The following EPB41L3 variants were observed in gnomAD, a reference collection of about 807,000 sequenced individuals.
EPB41L3 encodes the protein erythrocyte membrane protein band 4.1 like 3.
EPB41L3 carries 57 observed loss-of-function variants against 127.1 expected under a neutral mutation model. The observed-to-expected ratio is 0.45, with a 90% CI of 0.36 to 0.56. EPB41L3 has a LOEUF of 0.56. Among genes scored for constraint, EPB41L3 ranks in the 20% least tolerant of loss-of-function variants. The pLI is 0.00. For missense variants in EPB41L3, 1,273 were observed against 1,372.2 expected, an observed-to-expected ratio of 0.93 and a Z score of 1.14; for synonymous variants, 572 against 549.5, an observed-to-expected ratio of 1.04 and a Z score of -0.57.
chr18:5,488,871 T>C, intron 2 of EPB41L3, 130 bp downstream of exon 2: 1 of 1,006,400 alleles, frequency 9.9e-7, no homozygotes, highest in Non-Finnish European at 1.4e-6. Context: ...CATTTTCATC[T>C]GCCTGGGGCT....
chr18:5,433,950 G>A lies in EPB41L3; in HGVS notation c.777C>T (p.His259=), dbSNP rs1165237523. The change falls in exon 7 of 23, where the codon CAC becomes CAT. Residue 259 remains histidine (H), a synonymous_variant. Transcript: ENST00000341928. ...TCACTTTGTCTTCCAGTTCTTTAGTGTGGTTTGGTGCAAAGCGGAACTCAC... is the reference window on the plus strand; with the variant it reads ...TCACTTTGTCTTCCAGTTCTTTAGTATGGTTTGGTGCAAAGCGGAACTCAC... ...YISEFRFAPN[H]TKELEDKVIE... is the part of the protein sequence containing the mutation. 1.2e-6 allele frequency: 2 copies of A among 1,614,082 alleles called. No individual in the cohort carries two copies. The highest frequency in any genetic ancestry group is 2.7e-5 in the African/African-American group (2 of 74,930).
At chr18:5,559,978 T>C (rs950515846) in intron 3 of EPB41L3, among the ~76,000 whole-genome samples, 1 of 152,246 alleles carries the variant, frequency 6.6e-6, no homozygotes, top group Non-Finnish European at 1.5e-5. Flanking sequence ...TTCCTTTATA[T>C]GATTTTTCTT....
intron 3 of EPB41L3, among the ~76,000 whole-genome samples, chr18:5,468,411 T>C (rs1355295070): frequency 6.6e-6 from 1 of 152,182 alleles, no homozygotes; most frequent in Non-Finnish European, 1.5e-5. Flanking sequence ...TACGGTGCTT[T>C]TTCCAGGCCT....
At chr18:5,482,093 G>T (rs141961628) in intron 2 of EPB41L3, among the ~76,000 whole-genome samples, 1 of 152,234 alleles carries the variant, frequency 6.6e-6, no homozygotes, top group East Asian at 1.9e-4. Context: ...ACAATTTTAA[G>T]GAAACTCATG....
At chr18:5,502,933 G>T (rs1268962223) in intron 1 of EPB41L3, among the ~76,000 whole-genome samples, 1 of 152,168 alleles carries the variant, frequency 6.6e-6, no homozygotes, top group Non-Finnish European at 1.5e-5. Context: ...TACTAACCCT[G>T]GCGAGGCTGC....
chr18:5,533,810 T>G (rs1255713310), intron 1 of EPB41L3, among the ~76,000 whole-genome samples: 2 of 152,064 alleles, frequency 1.3e-5, no homozygotes, highest in Non-Finnish European at 2.9e-5. Flanking sequence ...TTTATCCTAC[T>G]TCCTTAACCT....
At chr18:5,533,916 G>T (rs945519163) in intron 1 of EPB41L3, among the ~76,000 whole-genome samples, 1 of 152,174 alleles carries the variant, frequency 6.6e-6, no homozygotes, top group Non-Finnish European at 1.5e-5. Flanking sequence ...TGTAATCCCA[G>T]CACTTTGGGA....
At chr18:5,574,380 GTTT>G (rs5822863) in intron 3 of EPB41L3, among the ~76,000 whole-genome samples, 1 of 142,484 alleles carries the variant, frequency 7.0e-6, no homozygotes, top group African/African-American at 2.6e-5. Flanking sequence ...GCTAGAATCA[GTTT>G]TTTTTTTTTT....
At chr18:5,473,101 G>A (rs2058976440) in intron 3 of EPB41L3, among the ~76,000 whole-genome samples, 1 of 152,056 alleles carries the variant, frequency 6.6e-6, no homozygotes, top group Admixed American at 6.5e-5. Flanking sequence ...ATTTTTATGT[G>A]TTATGGCTGC....
intron 9 of EPB41L3, among the ~76,000 whole-genome samples, chr18:5,425,094 G>T (rs1364963607): frequency 6.6e-6 from 1 of 152,102 alleles, no homozygotes; most frequent in Non-Finnish European, 1.5e-5. Context: ...TCTGAAGAAG[G>T]TACACATCAG....
chr18:5,626,687 A>G (rs2094926769), intron 1 of EPB41L3, among the ~76,000 whole-genome samples: 1 of 152,214 alleles, frequency 6.6e-6, no homozygotes, highest in Non-Finnish European at 1.5e-5. Context: ...CTCCTTACAG[A>G]TAAGGAAGTA....
At chr18:5,447,009 T>C (rs961350750) in intron 3 of EPB41L3, among the ~76,000 whole-genome samples, 4 of 152,188 alleles carry the variant, frequency 2.6e-5, no homozygotes, top group African/African-American at 7.2e-5. Flanking sequence ...GATGCTTCTA[T>C]TGGTATGATC....
chr18:5,581,703 T>G (rs141860954), intron 3 of EPB41L3, among the ~76,000 whole-genome samples: 4 of 152,154 alleles, frequency 2.6e-5, no homozygotes, highest in African/African-American at 9.7e-5. Context: ...AATGAAACTT[T>G]TTAATGATTA....
At chr18:5,602,453 C>T (rs1048005707) in intron 3 of EPB41L3, among the ~76,000 whole-genome samples, 1 of 152,154 alleles carries the variant, frequency 6.6e-6, no homozygotes. Context: ...TGCTCTCTCT[C>T]ACTCATTGAT....
At chr18:5,464,299 G>C (rs1022098040) in intron 3 of EPB41L3, among the ~76,000 whole-genome samples, 3 of 152,150 alleles carry the variant, frequency 2.0e-5, no homozygotes, top group Non-Finnish European at 4.4e-5. Flanking sequence ...GCCACAAGGT[G>C]ACTGGGGACC....
intron 3 of EPB41L3, among the ~76,000 whole-genome samples, chr18:5,474,353 G>A (rs572664885): frequency 6.6e-6 from 1 of 152,280 alleles, no homozygotes; most frequent in Admixed American, 6.5e-5. Flanking sequence ...TCGGTGGGGA[G>A]ATGTTGGGGA....
intron 1 of EPB41L3, among the ~76,000 whole-genome samples, chr18:5,618,056 T>C (rs2094818365): frequency 6.6e-6 from 1 of 152,188 alleles, no homozygotes; most frequent in African/African-American, 2.4e-5. Context: ...TTGTCTGGAC[T>C]AGCCTGGAAA....
In EPB41L3 at chr18:5,625,409, C is replaced by T. The variant is rs142181606; in HGVS notation, c.-468+3513G>A. On this transcript the variant is annotated intron_variant, in intron 1 of 21. Coordinates refer to the EPB41L3 transcript ENST00000545076. ...GTGGTGTGTGTCTGTCAGGGAGCAA[C>T]GTGAGAAGAGAAAGGTGTAAAAAAA... Among the ~76,000 whole-genome samples the T allele has an allele frequency of 2.3e-3, 344 of 152,016 alleles. 2 individuals are homozygous for T. Among genetic ancestry groups the T allele is most frequent in the African/African-American group, 7.9e-3 (329 of 41,426 alleles).
rs768226162 is a variant in EPB41L3 at position 5,400,457 on chromosome 18, T to C, written c.2350-2314A>G. ...AAATACCACTACAGATTGATCTACA[T>C]GTTGTTGCTAGATTAAATGAAATGA... On this transcript the variant is annotated intron_variant, in intron 16 of 22. Coordinates refer to ENST00000341928, the MANE Select transcript of EPB41L3 (RefSeq NM_012307.5). 89 of 454,194 alleles carry C rather than the reference T, an allele frequency of 2.0e-4. 1 individual carries two copies. The highest frequency in any genetic ancestry group is 6.5e-4 in the Middle Eastern group (2 of 3,060). The allele number at this position is 454,194 out of a possible 1,614,324, so 28.1% of individuals were successfully genotyped here.
Sources: gnomAD v4.1 joint callset for allele counts (sites outside exome capture counted in the v4.1 genomes callset) on GRCh38, gnomAD v4.1.1 for gene constraint, MANE v1.5 for transcripts, NCBI Gene and HGNC (gene_info 2026-07-23, HGNC 2026-07-21) for gene names.